The following RIN3 variants were observed in gnomAD, a reference collection of about 807,000 sequenced individuals.
RIN3 encodes Ras and Rab interactor 3.
Under a neutral mutation model 76.3 loss-of-function variants are expected in RIN3, and 54 were observed. The observed-to-expected ratio is 0.71, with a 90% CI of 0.57 to 0.89. RIN3 has a LOEUF of 0.89. RIN3 is among the 40% of genes least tolerant of loss of function. The pLI, the probability that RIN3 is intolerant of heterozygous loss-of-function variation, is 0.00. For synonymous variants in RIN3, 576 were observed against 564.0 expected, an observed-to-expected ratio of 1.02 and a Z score of -0.30; for missense variants, 1,256 against 1,322.1, an observed-to-expected ratio of 0.95 and a Z score of 0.78.
chr14:92,661,917 C>T (rs1371972725), intron 7 of RIN3, among the ~76,000 whole-genome samples: 2 of 152,170 alleles, frequency 1.3e-5, no homozygotes, highest in Non-Finnish European at 2.9e-5. Context: ...ACATTAGGCT[C>T]GGAGGTCGGG....
chr14:92,602,820 C>T (rs1885392275), intron 3 of RIN3, among the ~76,000 whole-genome samples: 1 of 152,138 alleles, frequency 6.6e-6, no homozygotes, highest in African/African-American at 2.4e-5. Flanking sequence ...GATCCCCTCT[C>T]TCAAGCTGAT....
intron 4 of RIN3, among the ~76,000 whole-genome samples, chr14:92,633,338 A>G (rs967809408): frequency 6.6e-6 from 1 of 152,196 alleles, no homozygotes; most frequent in Non-Finnish European, 1.5e-5. Flanking sequence ...AGTGGGCACC[A>G]TTACCCAAAA....
intron 1 of RIN3, among the ~76,000 whole-genome samples, chr14:92,531,551 T>C (rs1427549538): frequency 6.6e-6 from 1 of 152,224 alleles, no homozygotes; most frequent in African/African-American, 2.4e-5. Context: ...AGGCGGCCCC[T>C]GTCAAGAAGC....
chr14:92,688,527 C>T lies in RIN3; in HGVS notation c.*275C>T. The T allele has an allele frequency of 2.0e-6, 1 of 505,506 alleles. No homozygotes were observed. Among genetic ancestry groups the T allele is most frequent in the South Asian group, 2.7e-5 (1 of 36,402 alleles). 31.3% of individuals were successfully genotyped at this position (505,506 alleles called of 1,614,324 possible). ...CTCAGGAGAGAGGCGCTCCAGGCCG[C>T]TGCAGCCAACAAACCGGCGCCCTCT... On this transcript the variant is annotated 3_prime_UTR_variant, in exon 10 of 10. Transcript: ENST00000216487.
intron 1 of RIN3, chr14:92,515,050 G>A: frequency 1.8e-6 from 1 of 563,166 alleles, no homozygotes; most frequent in Middle Eastern, 2.9e-4. Context: ...GTCCTGAACT[G>A]GGGGACAGCT....
chr14:92,575,320 G>C (rs1485344924), intron 2 of RIN3, among the ~76,000 whole-genome samples: 5 of 151,976 alleles, frequency 3.3e-5, no homozygotes, highest in Non-Finnish European at 5.9e-5. Flanking sequence ...TACCAGAAAG[G>C]GCTCCCGATC....
intron 3 of RIN3, among the ~76,000 whole-genome samples, chr14:92,590,436 G>A (rs895256169): frequency 6.6e-6 from 1 of 152,154 alleles, no homozygotes; most frequent in African/African-American, 2.4e-5. Flanking sequence ...AGATCTGGCT[G>A]TTTAAAAGTG....
chr14:92,625,403 G>T (rs997170737), intron 4 of RIN3, among the ~76,000 whole-genome samples: 1 of 152,194 alleles, frequency 6.6e-6, no homozygotes, highest in African/African-American at 2.4e-5. Flanking sequence ...TTGCGGTAAA[G>T]TGATTCCTGT....
intron 4 of RIN3, among the ~76,000 whole-genome samples, chr14:92,621,235 C>CAAAAAAAAAAAAAAAAAAA (rs572318532): frequency 2.8e-5 from 2 of 70,702 alleles, no homozygotes; most frequent in Admixed American, 2.2e-4. Flanking sequence ...GACTCCGTCT[C>CAAAAAAAAAAAAAAAAAAA]AAAAAAAAAA....
chr14:92,593,065 T>A (rs899645345), intron 3 of RIN3, among the ~76,000 whole-genome samples: 3 of 152,136 alleles, frequency 2.0e-5, no homozygotes, highest in African/African-American at 7.2e-5. Context: ...CCAACTGTCC[T>A]CACAACGTGT....
intron 3 of RIN3, among the ~76,000 whole-genome samples, chr14:92,579,698 C>T (rs1566852044): frequency 6.6e-6 from 1 of 152,212 alleles, no homozygotes. Context: ...TCTCAAGAAA[C>T]ATGTGTGCCT....
chr14:92,545,110 T>TG (rs1407616065), intron 1 of RIN3, among the ~76,000 whole-genome samples: 6 of 138,792 alleles, frequency 4.3e-5, no homozygotes, highest in African/African-American at 1.6e-4. Flanking sequence ...TCTGGTGTTT[T>TG]TTTTTTTTTT....
chr14:92,534,562 T>G (rs1405638277), intron 1 of RIN3, among the ~76,000 whole-genome samples: 1 of 146,554 alleles, frequency 6.8e-6, no homozygotes, highest in Non-Finnish European at 1.5e-5. Context: ...CACTCCAGCC[T>G]GGGTGACAGA....
chr14:92,598,933 A>G (rs1402493857), intron 3 of RIN3, among the ~76,000 whole-genome samples: 1 of 152,160 alleles, frequency 6.6e-6, no homozygotes, highest in Non-Finnish European at 1.5e-5. Context: ...AGGGGTGAGG[A>G]CATTTGAGTT....
rs565216340 is a variant in RIN3, at chr14:92,688,265, G to A, written c.*13G>A. The A allele has an allele frequency of 4.5e-6, 7 of 1,555,336 alleles. No individual in the cohort carries two copies. The East Asian group carries it at 6.9e-5, about 15-fold the overall frequency. ...CAACTTCCTGTGAGGCCCTCCCGGG[G>A]CGCCTCCCCTCACCCCCAGGCGCAC... is the stretch of plus-strand genomic sequence containing the variant. On this transcript the variant is annotated 3_prime_UTR_variant, in exon 10 of 10. Transcript: ENST00000216487.
chr14:92,565,527 C>T (rs1028784473), intron 2 of RIN3, among the ~76,000 whole-genome samples: 3 of 152,160 alleles, frequency 2.0e-5, no homozygotes, highest in African/African-American at 7.2e-5. Context: ...ATTTCTTGAT[C>T]AAACAAGGGG....
At position 92,534,107 on chromosome 14, in the gene RIN3, C is replaced by T. The variant is rs146450704; in HGVS notation, c.44+20131C>T. On this transcript the variant is annotated intron_variant, in intron 1 of 9. Coordinates refer to ENST00000216487, the MANE Select transcript of RIN3 (RefSeq NM_024832.5). ...TATATATTTATATATGTGTGGCCAT[C>T]CATAGAGATAGCCTTCTTGAGTTTA... is the stretch of plus-strand genomic sequence containing the variant. 2.6e-3 allele frequency among the ~76,000 whole-genome samples: 398 copies of T among 152,112 alleles called. 2 individuals are homozygous for T. The highest frequency in any genetic ancestry group is 0.014 in the Middle Eastern group (4 of 294).
intron 5 of RIN3, among the ~76,000 whole-genome samples, chr14:92,642,075 C>T (rs734207): frequency 0.52 from 78,884 of 151,720 alleles, 21,164 homozygotes; most frequent in Non-Finnish European, 0.6. Flanking sequence ...GTGTTGGGAG[C>T]AGAGAATTTT....
chr14:92,683,819 A>C (rs1435229510), intron 8 of RIN3, among the ~76,000 whole-genome samples: 1 of 152,242 alleles, frequency 6.6e-6, no homozygotes, highest in African/African-American at 2.4e-5. Flanking sequence ...ACCATAATTA[A>C]AATTTCCTCT....
Sources: allele counts gnomAD v4.1 joint callset (sites outside exome capture counted in the v4.1 genomes callset), GRCh38; gene constraint gnomAD v4.1.1; transcripts MANE v1.5; gene names NCBI Gene and HGNC (gene_info 2026-07-23, HGNC 2026-07-21).